The following MDGA2 variants were observed in gnomAD, a reference collection of about 807,000 sequenced individuals.
The protein encoded by MDGA2 is MAM domain containing glycosylphosphatidylinositol anchor 2, also known as MAM domain-containing glycosylphosphatidylinositol anchor protein 2.
In MDGA2, 40 loss-of-function variants were observed where a neutral mutation model predicts 117.8. The observed-to-expected ratio is 0.34, with a 90% CI of 0.26 to 0.44. The LOEUF (loss-of-function observed/expected upper bound fraction) is 0.44. MDGA2 is among the 20% of genes least tolerant of loss of function. The probability of loss-of-function intolerance (pLI) is 1.00; values close to 1 mark genes in which losing one functional copy is unlikely to be tolerated. For synonymous variants in MDGA2, 452 were observed against 439.0 expected (o/e 1.03, Z -0.37); for missense variants, 1,123 against 1,250.6 (o/e 0.90, Z 1.54).
In MDGA2 at chr14:46,950,795, CAATA is replaced by C. The variant is rs149725598; in HGVS notation, c.2089+6575_2089+6578del. Among the ~76,000 whole-genome samples the C allele has an allele frequency of 5.9e-3, 897 of 150,842 alleles. 2 individuals are homozygous for C. Among genetic ancestry groups the C allele is most frequent in the East Asian group, 0.019 (96 of 5,118 alleles). On this transcript the variant is annotated intron_variant, in intron 9 of 16. Transcript: ENST00000399232. The stretch of plus-strand genomic sequence containing the variant: ...AAGAAAGAAGTATCTAGCTGAATAG[CAATA>C]AATAAATAAATAAGTAAATAAAAAC...
intron 1 of MDGA2, among the ~76,000 whole-genome samples, chr14:47,658,233 C>A (rs1897781592): frequency 1.3e-5 from 2 of 152,096 alleles, no homozygotes; most frequent in African/African-American, 4.8e-5. Context: ...TGTTATGTAA[C>A]ATGAGCAGGG....
chr14:47,528,858 A>G (rs1895030301), intron 1 of MDGA2, among the ~76,000 whole-genome samples: 2 of 152,174 alleles, frequency 1.3e-5, no homozygotes, highest in Admixed American at 6.5e-5. Context: ...AAAACAATCT[A>G]TCTACTACAC....
At chr14:47,292,908 C>T (rs559365933) in intron 2 of MDGA2, among the ~76,000 whole-genome samples, 4 of 152,278 alleles carry the variant, frequency 2.6e-5, no homozygotes, top group African/African-American at 7.2e-5. Context: ...TGTTGATAAA[C>T]GAATTCTGGT....
intron 1 of MDGA2, among the ~76,000 whole-genome samples, chr14:47,608,267 T>C (rs1185333116): frequency 6.6e-6 from 1 of 152,138 alleles, no homozygotes; most frequent in African/African-American, 2.4e-5. Context: ...ATTAAGACTT[T>C]TCCACTTTTT....
At chr14:47,176,661 T>G (rs924659596) in intron 3 of MDGA2, among the ~76,000 whole-genome samples, 1 of 152,174 alleles carries the variant, frequency 6.6e-6, no homozygotes, top group African/African-American at 2.4e-5. Flanking sequence ...CAATATGGAT[T>G]AAAGACTTAA....
At chr14:47,497,221 T>C (rs1321718111) in intron 1 of MDGA2, among the ~76,000 whole-genome samples, 1 of 152,174 alleles carries the variant, frequency 6.6e-6, no homozygotes, top group Non-Finnish European at 1.5e-5. Flanking sequence ...AAATGTTCAT[T>C]GAGAATGAGA....
chr14:46,996,504 A>C (rs1887297944), intron 8 of MDGA2: 1 of 152,212 alleles, frequency 6.6e-6, no homozygotes, highest in Admixed American at 6.6e-5. Flanking sequence ...AAAAAAAATC[A>C]AGAGCCCAAG....
intron 8 of MDGA2, among the ~76,000 whole-genome samples, chr14:47,015,827 A>T (rs981036856): frequency 6.6e-6 from 1 of 152,136 alleles, no homozygotes; most frequent in Non-Finnish European, 1.5e-5. Context: ...AGAGAGGAGA[A>T]AAAATAAACC....
chr14:47,506,740 C>T (rs764237888), intron 1 of MDGA2, among the ~76,000 whole-genome samples: 20 of 152,066 alleles, frequency 1.3e-4, no homozygotes, highest in African/African-American at 2.7e-4. Context: ...GCAGGCCGGG[C>T]GGGGCAGCTC....
chr14:47,335,005 A>C (rs570498779), intron 1 of MDGA2, among the ~76,000 whole-genome samples: 13 of 152,046 alleles, frequency 8.6e-5, no homozygotes, highest in African/African-American at 3.1e-4. Context: ...GTAAGATAGC[A>C]GTAAAATTAT....
chr14:47,205,920 T>C (rs1885666290), intron 3 of MDGA2, among the ~76,000 whole-genome samples: 1 of 152,202 alleles, frequency 6.6e-6, no homozygotes, highest in Middle Eastern at 3.4e-3. Context: ...AGAAGTCATT[T>C]GATAATGGTT....
chr14:47,264,475 A>C (rs1379258137), intron 2 of MDGA2, among the ~76,000 whole-genome samples: 1 of 152,144 alleles, frequency 6.6e-6, no homozygotes, highest in Non-Finnish European at 1.5e-5. Context: ...AGACAGAGTG[A>C]ATTGGACATC....
chr14:47,249,716 T>G (rs1049045883), intron 2 of MDGA2, among the ~76,000 whole-genome samples: 1 of 152,194 alleles, frequency 6.6e-6, no homozygotes, highest in Non-Finnish European at 1.5e-5. Context: ...CTACATTTTT[T>G]TTTAGAGAAA....
chr14:47,666,865 C>T (rs1336569673), intron 1 of MDGA2, among the ~76,000 whole-genome samples: 4 of 152,110 alleles, frequency 2.6e-5, no homozygotes, highest in African/African-American at 9.7e-5. Flanking sequence ...ACCACAAAGC[C>T]ACTGGGAGGA....
At chr14:47,465,120 T>G (rs1017849879) in intron 1 of MDGA2, among the ~76,000 whole-genome samples, 1 of 152,066 alleles carries the variant, frequency 6.6e-6, no homozygotes, top group Admixed American at 6.6e-5. Context: ...ATTCAATAAA[T>G]GGTGCTGGGA....
intron 1 of MDGA2, among the ~76,000 whole-genome samples, chr14:47,450,121 T>G (rs1205253758): frequency 6.6e-6 from 1 of 152,084 alleles, no homozygotes; most frequent in Non-Finnish European, 1.5e-5. Flanking sequence ...TTTCTTAATA[T>G]CTATCTTCAT....
At chr14:47,360,758 A>G (rs570218903) in intron 1 of MDGA2, among the ~76,000 whole-genome samples, 11 of 152,188 alleles carry the variant, frequency 7.2e-5, no homozygotes, top group Non-Finnish European at 1.6e-4. Context: ...CACCTTGTAG[A>G]GATATCTGTG....
chr14:47,329,837 T>C (rs1334715416), intron 1 of MDGA2, among the ~76,000 whole-genome samples: 1 of 151,590 alleles, frequency 6.6e-6, no homozygotes, highest in African/African-American at 2.4e-5. Flanking sequence ...ATGAGAAAAC[T>C]AAAGAAAAAT....
At chr14:47,308,260 T>C (rs1889520948) in intron 1 of MDGA2, among the ~76,000 whole-genome samples, 1 of 152,188 alleles carries the variant, frequency 6.6e-6, no homozygotes, top group Non-Finnish European at 1.5e-5. Context: ...CTTACTCATA[T>C]GTAAAAAGGA....
Sources: allele counts gnomAD v4.1 joint callset (sites outside exome capture counted in the v4.1 genomes callset), GRCh38; gene constraint gnomAD v4.1.1; transcripts MANE v1.5; gene names NCBI Gene and HGNC (gene_info 2026-07-23, HGNC 2026-07-21).